Variants in SYNC observed in about 807,000 individuals in gnomAD.
SYNC encodes the protein syncoilin.
A neutral mutation model predicts 49.5 loss-of-function variants in SYNC; 38 were observed. The observed-to-expected ratio is 0.77, with a 90% CI of 0.59 to 1.01. The LOEUF (loss-of-function observed/expected upper bound fraction) is 1.01, where lower values mean the gene tolerates loss of function less well. Ranked by LOEUF, SYNC falls within the 50% of genes least tolerant of loss-of-function variation. The probability of loss-of-function intolerance (pLI) is 0.00; values close to 1 mark genes in which losing one functional copy is unlikely to be tolerated. For synonymous variants in SYNC, 201 were observed against 230.8 expected, an observed-to-expected ratio of 0.87 and a Z score of 1.17; for missense variants, 579 against 580.6, an observed-to-expected ratio of 1.00 and a Z score of 0.03.
intron 1 of SYNC, among the ~76,000 whole-genome samples, chr1:32,701,613 C>T (rs2148565998): frequency 6.6e-6 from 1 of 152,324 alleles, no homozygotes; most frequent in South Asian, 2.1e-4. Context: ...TGGTGCCAGG[C>T]CTCTGCTGGG....
Position 32,683,840 on chromosome 1 carries a change from C to G in SYNC, c.1438+170G>C. 6.5e-6 allele frequency: 4 copies of G among 611,902 alleles called. No homozygotes were observed. In the South Asian group the frequency reaches 7.9e-5, roughly 12 times the overall value. 37.9% of individuals were successfully genotyped at this position (611,902 alleles called of 1,614,324 possible). A position where few individuals can be genotyped will look rare whatever the true frequency, so the allele number is the denominator to read the frequency against. ...TGGAGATGGAGTTTTGCCATGTTGG[C>G]CAGGCTGGTCTTGAACTCCTGACTC... On this transcript the variant is annotated intron_variant, in intron 4 of 4. Coordinates refer to ENST00000409190, the MANE Select transcript of SYNC (RefSeq NM_030786.3).
Position 32,694,864 on chromosome 1 carries a change from C to T in SYNC, c.1233+1G>A. On this transcript the variant is annotated splice_donor_variant, in intron 2 of 4. Coordinates refer to ENST00000409190, the MANE Select transcript of SYNC (RefSeq NM_030786.3). LOFTEE classifies it high-confidence loss of function. ...GTTCTTTTCATGCCCAATGGGCCTA[C>T]CCTGTACTGCTGCACCTCTTCATCT... 6.3e-7 allele frequency: 1 copy of T among 1,598,722 alleles called. No homozygotes were observed. The highest frequency in any genetic ancestry group is 8.5e-7 in the Non-Finnish European group (1 of 1,173,664).
intron 1 of SYNC, among the ~76,000 whole-genome samples, chr1:32,698,584 T>G (rs576487736): frequency 2.6e-5 from 4 of 152,146 alleles, no homozygotes; most frequent in Admixed American, 6.6e-5. Flanking sequence ...AAAGTTCATC[T>G]TGTTAGAACT....
At chr1:32,686,998 AATT>A (rs1190171104) in intron 2 of SYNC, among the ~76,000 whole-genome samples, 2 of 152,320 alleles carry the variant, frequency 1.3e-5, no homozygotes, top group East Asian at 3.9e-4. Context: ...TTCTATGTAA[AATT>A]ATCTGGGGGA....
At position 32,702,501 on chromosome 1, in the gene SYNC, ACTACCC is replaced by A; in HGVS notation, c.53+101_53+106del. On this transcript the variant is annotated intron_variant, in intron 1 of 4. Transcript: ENST00000409190. The surrounding 1 kb of genome is among the most constrained non-coding windows in gnomAD (Gnocchi z 6.2). ...TCCAGTGCCCCACCCCGGCTGGACC[ACTACCC>A]CTAGACAGGCGAAAGACGCCCGCGG... The A allele has an allele frequency of 9.2e-7, 1 of 1,090,108 alleles. No individual in the cohort carries two copies. Among genetic ancestry groups the A allele is most frequent in the Non-Finnish European group, 1.1e-6 (1 of 874,722 alleles). 67.5% of individuals were successfully genotyped at this position (1,090,108 alleles called of 1,614,324 possible).
Position 32,681,746 on chromosome 1 carries a change from C to T in SYNC, c.*104G>A. On this transcript the variant is annotated 3_prime_UTR_variant, in exon 5 of 5. Coordinates refer to ENST00000409190, the MANE Select transcript of SYNC (RefSeq NM_030786.3). ...ACAGGATGAATTGCTTGCCAAGTTT[C>T]TGGCACTCTTGTCTGGTTGGAAGAG... 1 of 1,586,544 alleles carries T rather than the reference C, an allele frequency of 6.3e-7. No individual in the cohort carries two copies. The highest frequency in any genetic ancestry group is 8.6e-7 in the Non-Finnish European group (1 of 1,157,116).
At chr1:32,694,467 C>T (rs1650307651) in intron 2 of SYNC, among the ~76,000 whole-genome samples, 1 of 151,838 alleles carries the variant, frequency 6.6e-6, no homozygotes, top group Non-Finnish European at 1.5e-5. Flanking sequence ...TCCTGGTTAA[C>T]AACAGTGAAA....
At chr1:32,683,084 C>T (rs1030179902) in intron 4 of SYNC, 4 of 151,872 alleles carry the variant, frequency 2.6e-5, no homozygotes, top group African/African-American at 9.7e-5. Context: ...GAGATGAGAC[C>T]ATCTTAGCCA....
At chr1:32,694,694 C>T (rs1650320501) in intron 2 of SYNC, among the ~76,000 whole-genome samples, 171 bp downstream of exon 2, 1 of 151,912 alleles carries the variant, frequency 6.6e-6, no homozygotes, top group African/African-American at 2.4e-5. Context: ...AACTTCTAGT[C>T]CCTAGCATGG....
At chr1:32,683,523 A>T (rs768087307) in intron 4 of SYNC, 1 of 152,966 alleles carries the variant, frequency 6.5e-6, no homozygotes, top group Admixed American at 6.5e-5. Flanking sequence ...TTTGAGTCCT[A>T]CTAGAAACAA....
At chr1:32,692,940 T>C (rs117232983) in intron 2 of SYNC, among the ~76,000 whole-genome samples, 5,831 of 150,810 alleles carry the variant, frequency 0.039, 230 homozygotes, top group East Asian at 0.12. Flanking sequence ...GAGGTGGAGT[T>C]TGCAGTGAGC....
intron 1 of SYNC, among the ~76,000 whole-genome samples, chr1:32,699,599 C>T (rs953962736): frequency 7.9e-5 from 12 of 152,062 alleles, no homozygotes; most frequent in African/African-American, 2.7e-4. Flanking sequence ...CTCCTCACCT[C>T]AATCTATTCT....
At chr1:32,692,124 C>T (rs992460156) in intron 2 of SYNC, among the ~76,000 whole-genome samples, 3 of 151,812 alleles carry the variant, frequency 2.0e-5, no homozygotes, top group South Asian at 2.1e-4. Flanking sequence ...CCCAGCTACT[C>T]GGGAGGCTGA....
chr1:32,689,040 G>A (rs1255304369), intron 2 of SYNC, among the ~76,000 whole-genome samples: 7 of 151,198 alleles, frequency 4.6e-5, no homozygotes, highest in African/African-American at 1.7e-4. Context: ...CCGGGTTCAA[G>A]CAATTCTCCT....
chr1:32,687,155 T>C (rs543691741), intron 2 of SYNC, among the ~76,000 whole-genome samples: 1 of 149,710 alleles, frequency 6.7e-6, no homozygotes, highest in Admixed American at 6.7e-5. Context: ...AGGTCAGGAG[T>C]TCGAGACCAG....
chr1:32,692,878 A>G (rs1650231483), intron 2 of SYNC, among the ~76,000 whole-genome samples: 1 of 151,622 alleles, frequency 6.6e-6, no homozygotes, highest in Non-Finnish European at 1.5e-5. Context: ...AGTGGCGGGC[A>G]CCTGTAGTCC....
Position 32,684,102 on chromosome 1 carries a change from A to C in SYNC, c.1359-13T>G, listed in dbSNP as rs920347682. ...TAGTAGCATAGCCCTTTAAAAAGAG[A>C]GAGCCATTTTCCATGTGTTTTTGGA... is the stretch of plus-strand genomic sequence containing the variant. On this transcript the variant is annotated splice_polypyrimidine_tract_variant and intron_variant, in intron 3 of 4. Coordinates refer to ENST00000409190, the MANE Select transcript of SYNC (RefSeq NM_030786.3). 1.1e-5 allele frequency: 17 copies of C among 1,612,990 alleles called. 1 individual carries two copies. Among genetic ancestry groups the C allele is most frequent in the African/African-American group, 8.0e-5 (6 of 74,830 alleles).
At chr1:32,694,667 C>A (rs569293470) in intron 2 of SYNC, among the ~76,000 whole-genome samples, 198 bp downstream of exon 2, 25 of 148,640 alleles carry the variant, frequency 1.7e-4, no homozygotes, top group South Asian at 4.3e-4. Flanking sequence ...AAAAAAAAAA[C>A]AAAAAACAGT....
chr1:32,688,271 C>A (rs897405692), intron 2 of SYNC, among the ~76,000 whole-genome samples: 1 of 152,062 alleles, frequency 6.6e-6, no homozygotes, highest in Non-Finnish European at 1.5e-5. Context: ...CTCTGCCTTA[C>A]CTCTGTCTTC....
Sources: gnomAD v4.1 joint callset for allele counts (sites outside exome capture counted in the v4.1 genomes callset) on GRCh38, gnomAD v4.1.1 for gene constraint, Gnocchi (gnomAD v3.1) non-coding constraint, MANE v1.5 for transcripts, NCBI Gene and HGNC (gene_info 2026-07-23, HGNC 2026-07-21) for gene names.